SMAD3: variants seen among roughly 807,000 people sequenced by gnomAD.
The protein encoded by SMAD3 is SMAD family member 3.
In SMAD3, 12 loss-of-function variants were observed where a neutral mutation model predicts 51.8. The ratio of observed to expected loss-of-function variants is 0.23; its 90% CI spans 0.15 to 0.38. The LOEUF (loss-of-function observed/expected upper bound fraction) is 0.38, where lower values mean the gene tolerates loss of function less well. SMAD3 is among the 10% of genes least tolerant of loss of function. The pLI is 1.00. For synonymous variants in SMAD3, 238 were observed against 227.7 expected (o/e 1.05, Z -0.41); for missense variants, 294 against 565.6 (o/e 0.52, Z 4.87).
intron 1 of SMAD3, among the ~76,000 whole-genome samples, chr15:67,140,504 G>A (rs1342256161): frequency 6.6e-6 from 1 of 152,220 alleles, no homozygotes; most frequent in African/African-American, 2.4e-5. Flanking sequence ...TCCAGGCTGA[G>A]AAACTATGCA....
intron 5 of SMAD3, among the ~76,000 whole-genome samples, chr15:67,176,728 A>G (rs1595952231): frequency 6.6e-6 from 1 of 152,220 alleles, no homozygotes; most frequent in South Asian, 2.1e-4. Context: ...GGGGCCAGCC[A>G]TGGATTAAGT....
intron 1 of SMAD3, among the ~76,000 whole-genome samples, chr15:67,115,665 C>T (rs778925398): frequency 6.6e-6 from 1 of 152,224 alleles, no homozygotes; most frequent in African/African-American, 2.4e-5. Context: ...GTTAACCACC[C>T]TCCTGGAGTC....
chr15:67,159,700 A>G (rs1962376803), intron 1 of SMAD3, among the ~76,000 whole-genome samples: 1 of 152,136 alleles, frequency 6.6e-6, no homozygotes, highest in South Asian at 2.1e-4. Flanking sequence ...TCCCCAGGCA[A>G]TGACTGATCC....
intron 8 of SMAD3, 46 bp downstream of exon 8, chr15:67,187,555 ACT>A (rs1225136975): frequency 1.2e-6 from 2 of 1,609,156 alleles, no homozygotes. Flanking sequence ...ACTCCAGGTG[ACT>A]CTGGACAGCA....
intron 1 of SMAD3, among the ~76,000 whole-genome samples, chr15:67,150,403 G>C (rs1962097914): frequency 6.6e-6 from 1 of 152,134 alleles, no homozygotes; most frequent in South Asian, 2.1e-4. Flanking sequence ...TGTTTTGATA[G>C]AACAAGGCCG....
At chr15:67,129,443 A>G (rs538803647) in intron 1 of SMAD3, among the ~76,000 whole-genome samples, 1 of 152,220 alleles carries the variant, frequency 6.6e-6, no homozygotes, top group South Asian at 2.1e-4. Flanking sequence ...ACATTTATAT[A>G]ACTTTTATGA....
intron 1 of SMAD3, among the ~76,000 whole-genome samples, chr15:67,108,767 T>G (rs896143386): frequency 6.6e-6 from 1 of 152,180 alleles, no homozygotes; most frequent in Non-Finnish European, 1.5e-5. Flanking sequence ...ACTGGGCTCG[T>G]TCTAAAACGG....
chr15:67,165,425 G>T lies in SMAD3; in HGVS notation c.532+41G>T, dbSNP rs778964943. On this transcript the variant is annotated intron_variant, in intron 3 of 8. Transcript: ENST00000327367. Reference sequence around the variant, plus strand: ...GCACAGGCTGGCCTGGGAGGCAGGGGCAGCGGTCAGCCCCGACATCAGTCC... The same window carrying T: ...GCACAGGCTGGCCTGGGAGGCAGGGTCAGCGGTCAGCCCCGACATCAGTCC... 6.8e-6 allele frequency: 11 copies of T among 1,609,710 alleles called. 1 individual carries two copies. In the South Asian group the frequency reaches 1.2e-4, roughly 18 times the overall value.
intron 1 of SMAD3, among the ~76,000 whole-genome samples, chr15:67,093,087 G>A (rs1960542398): frequency 6.6e-6 from 1 of 152,142 alleles, no homozygotes; most frequent in Non-Finnish European, 1.5e-5. Context: ...TGTAAATGGT[G>A]CTCATCTAAC....
intron 3 of SMAD3, chr15:67,165,967 A>T (rs1289720325): frequency 6.1e-6 from 1 of 164,748 alleles, no homozygotes; most frequent in East Asian, 1.8e-4. Context: ...TTCAGACTCC[A>T]GGAAAGCTGT....
intron 4 of SMAD3, among the ~76,000 whole-genome samples, chr15:67,169,809 A>G (rs1347330030): frequency 6.6e-6 from 1 of 152,116 alleles, no homozygotes; most frequent in Non-Finnish European, 1.5e-5. Flanking sequence ...GACGAGCAGG[A>G]TGCTGCTCTG....
intron 1 of SMAD3, among the ~76,000 whole-genome samples, chr15:67,117,320 T>G (rs1961157577): frequency 6.6e-6 from 1 of 152,154 alleles, no homozygotes; most frequent in Non-Finnish European, 1.5e-5. Flanking sequence ...GTTCTGCCTG[T>G]GATGAATGAG....
At chr15:67,114,546 C>T (rs896267297) in intron 1 of SMAD3, among the ~76,000 whole-genome samples, 2 of 152,164 alleles carry the variant, frequency 1.3e-5, no homozygotes, top group African/African-American at 4.8e-5. Flanking sequence ...GATTTGAATA[C>T]CAGTCTTTAA....
At chr15:67,145,282 G>A (rs192586266) in intron 1 of SMAD3, among the ~76,000 whole-genome samples, 3 of 152,310 alleles carry the variant, frequency 2.0e-5, no homozygotes, top group African/African-American at 7.2e-5. Context: ...TCATAGCACA[G>A]CTGGGACTTG....
At chr15:67,084,070 CTTTT>C (rs56675753) in intron 1 of SMAD3, among the ~76,000 whole-genome samples, 25 of 85,062 alleles carry the variant, frequency 2.9e-4, no homozygotes, top group African/African-American at 1.0e-3. Flanking sequence ...CTTTTTTTTT[CTTTT>C]TTTTTTTTTT....
chr15:67,125,859 T>A (rs927454732), intron 1 of SMAD3: 2 of 985,236 alleles, frequency 2.0e-6, no homozygotes, highest in Admixed American at 1.2e-4. Context: ...CTGGGGTAAT[T>A]TATTGCCGCC....
intron 1 of SMAD3, among the ~76,000 whole-genome samples, chr15:67,067,683 A>G (rs766422646): frequency 3.6e-4 from 55 of 152,336 alleles, no homozygotes; most frequent in Middle Eastern, 3.4e-3. Context: ...TAAATGCCAC[A>G]TATGGTGGGA....
At chr15:67,072,814 A>T (rs1369365876) in intron 1 of SMAD3, among the ~76,000 whole-genome samples, 1 of 152,212 alleles carries the variant, frequency 6.6e-6, no homozygotes, top group Non-Finnish European at 1.5e-5. Context: ...TGGTTCCTGG[A>T]AACAGTGGGA....
intron 6 of SMAD3, among the ~76,000 whole-genome samples, chr15:67,183,027 A>ATTTTT (rs1567000847): frequency 1.6e-5 from 1 of 63,842 alleles, no homozygotes; most frequent in African/African-American, 7.6e-5. Context: ...ATATATATAT[A>ATTTTT]TATATTTTTT....
Sources: allele counts gnomAD v4.1 joint callset (sites outside exome capture counted in the v4.1 genomes callset), GRCh38; gene constraint gnomAD v4.1.1; transcripts MANE v1.5; gene names NCBI Gene and HGNC (gene_info 2026-07-23, HGNC 2026-07-21).